The following TBC1D4 variants were observed in gnomAD, a reference collection of about 807,000 sequenced individuals.
TBC1D4 encodes the protein TBC (Tre-2, BUB2, CDC16) domain-containing protein.
A neutral mutation model predicts 142.5 loss-of-function variants in TBC1D4; 121 were observed. The ratio of observed to expected loss-of-function variants is 0.85; its 90% CI spans 0.73 to 0.99. The LOEUF is 0.99. TBC1D4 is among the 50% of genes least tolerant of loss of function. The pLI, the probability that TBC1D4 is intolerant of heterozygous loss-of-function variation, is 0.00. For missense variants in TBC1D4, 1,475 were observed against 1,606.6 expected, an observed-to-expected ratio of 0.92 and a Z score of 1.40; for synonymous variants, 630 against 628.2, an observed-to-expected ratio of 1.00 and a Z score of -0.04.
chr13:75,341,498 G>A lies in TBC1D4; in HGVS notation c.1498C>T (p.Gln500Ter), dbSNP rs1471630583. ...NEQADIFERV[Q>*]KMKPVSDQEE... The stretch of plus-strand genomic sequence containing the variant: ...ATGAGACCTACAAATAATGTTACCT[G>A]AACTCTTTCAAAGATGTCAGCTTGC... The change falls in exon 6 of 21, where the codon CAG becomes TAG. Residue 500 changes from glutamine to a stop codon, truncating the protein, a stop_gained and splice_region_variant. Transcript: ENST00000377636. LOFTEE classifies it high-confidence loss of function. 1.9e-6 allele frequency: 3 copies of A among 1,613,244 alleles called. No homozygotes were observed. The highest frequency in any genetic ancestry group is 2.5e-6 in the Non-Finnish European group (3 of 1,179,516).
intron 1 of TBC1D4, among the ~76,000 whole-genome samples, chr13:75,410,423 G>A (rs181978554): frequency 3.3e-5 from 5 of 152,060 alleles, no homozygotes; most frequent in East Asian, 1.9e-4. Flanking sequence ...AGCCCGTCAC[G>A]CTAATGAATT....
intron 8 of TBC1D4, among the ~76,000 whole-genome samples, chr13:75,328,502 G>C (rs1566384272): frequency 1.3e-5 from 2 of 152,096 alleles, no homozygotes; most frequent in South Asian, 4.1e-4. Flanking sequence ...AAGAACCTAA[G>C]AGATTATTCT....
chr13:75,422,795 G>A (rs1886224365), intron 1 of TBC1D4, among the ~76,000 whole-genome samples: 1 of 152,024 alleles, frequency 6.6e-6, no homozygotes, highest in South Asian at 2.1e-4. Context: ...AGAATATTTG[G>A]GATTATCTTT....
chr13:75,354,817 C>T (rs1426417267), intron 4 of TBC1D4, among the ~76,000 whole-genome samples: 2 of 152,088 alleles, frequency 1.3e-5, no homozygotes, highest in East Asian at 3.9e-4. Flanking sequence ...CTCTTTCTTC[C>T]CCCGGGTGTT....
intron 14 of TBC1D4, among the ~76,000 whole-genome samples, chr13:75,309,732 CAAA>C (rs1877546869): frequency 6.6e-6 from 1 of 152,146 alleles, no homozygotes; most frequent in Non-Finnish European, 1.5e-5. Context: ...CCATTTAAAA[CAAA>C]ACCACAAATA....
intron 1 of TBC1D4, among the ~76,000 whole-genome samples, chr13:75,409,160 G>C (rs188805540): frequency 6.6e-6 from 1 of 151,952 alleles, no homozygotes; most frequent in Non-Finnish European, 1.5e-5. Flanking sequence ...GAATATATAC[G>C]TAAGTCTTCA....
intron 1 of TBC1D4, among the ~76,000 whole-genome samples, chr13:75,406,761 G>A (rs1048880868): frequency 1.3e-4 from 20 of 152,154 alleles, no homozygotes; most frequent in Non-Finnish European, 2.4e-4. Context: ...AATTGGAAAG[G>A]TCCTGCATGA....
intron 1 of TBC1D4, among the ~76,000 whole-genome samples, chr13:75,430,364 A>G (rs943803151): frequency 2.6e-5 from 4 of 152,218 alleles, no homozygotes; most frequent in African/African-American, 7.2e-5. Context: ...TAAAAATTAA[A>G]CAAATGGTAT....
At chr13:75,386,413 G>A (rs1448242468) in intron 1 of TBC1D4, among the ~76,000 whole-genome samples, 1 of 146,858 alleles carries the variant, frequency 6.8e-6, no homozygotes, top group African/African-American at 2.6e-5. Flanking sequence ...TTTTCAGATG[G>A]AGTCTCACAC....
At chr13:75,396,103 T>C (rs982631991) in intron 1 of TBC1D4, among the ~76,000 whole-genome samples, 1 of 152,232 alleles carries the variant, frequency 6.6e-6, no homozygotes, top group Non-Finnish European at 1.5e-5. Flanking sequence ...TTATAATTTA[T>C]GTAAGGGGTA....
intron 1 of TBC1D4, among the ~76,000 whole-genome samples, chr13:75,377,100 T>C (rs1237218424): frequency 6.6e-6 from 1 of 152,232 alleles, no homozygotes; most frequent in Admixed American, 6.5e-5. Context: ...AGTGTGAACA[T>C]CAAGTCTTCA....
In TBC1D4 at chr13:75,481,439, G is replaced by C. The variant is rs777693671; in HGVS notation, c.329C>G (p.Thr110Arg). 1 of 1,613,836 alleles carries C rather than the reference G, an allele frequency of 6.2e-7. No homozygotes were observed. Among genetic ancestry groups the C allele is most frequent in the Admixed American group, 1.7e-5 (1 of 60,016 alleles). The change falls in exon 1 of 21, where the codon ACG becomes AGG. Residue 110 changes from threonine (T) to arginine (R), a missense_variant. Around this residue, in one of 2 missense-constraint regions of TBC1D4, gnomAD observed 1,227 missense variants for 1,267.7 expected, o/e 0.97. Coordinates refer to ENST00000377636, the MANE Select transcript of TBC1D4 (RefSeq NM_014832.5). ...GASGGTSPSATQPNPAVFIFE... is the reference protein window; with the variant it reads ...GASGGTSPSARQPNPAVFIFE... ...GATGAATACCGCCGGGTTGGGCTGC[G>C]TGGCCGACGGACTAGTGCCCCCCGA... is the stretch of plus-strand genomic sequence containing the variant.
chr13:75,313,723 A>T (rs943460584), intron 12 of TBC1D4, among the ~76,000 whole-genome samples: 3 of 152,088 alleles, frequency 2.0e-5, no homozygotes, highest in Non-Finnish European at 2.9e-5. Context: ...ACCGGGTCCC[A>T]TTGTGTTGTC....
chr13:75,325,823 C>G (rs1261330541), intron 10 of TBC1D4, among the ~76,000 whole-genome samples: 1 of 152,150 alleles, frequency 6.6e-6, no homozygotes, highest in Non-Finnish European at 1.5e-5. Context: ...TTATCATAAG[C>G]TAACAGGAAG....
intron 19 of TBC1D4, 48 bp downstream of exon 19, chr13:75,292,054 T>G (rs182315021): frequency 7.1e-5 from 105 of 1,480,214 alleles, no homozygotes; most frequent in Non-Finnish European, 9.7e-5. Context: ...TTAATATATA[T>G]TCAGTAGAGA....
intron 1 of TBC1D4, among the ~76,000 whole-genome samples, chr13:75,440,930 C>T (rs550794149): frequency 6.6e-6 from 1 of 152,114 alleles, no homozygotes; most frequent in Admixed American, 6.5e-5. Context: ...TTCTTTCAGG[C>T]TGGTGCTGTG....
intron 1 of TBC1D4, among the ~76,000 whole-genome samples, chr13:75,431,581 C>A (rs1365548258): frequency 6.6e-6 from 1 of 152,138 alleles, no homozygotes; most frequent in Non-Finnish European, 1.5e-5. Flanking sequence ...GACTAAGGAT[C>A]CCAACCTTTG....
At chr13:75,402,175 T>C (rs1238228481) in intron 1 of TBC1D4, among the ~76,000 whole-genome samples, 1 of 152,004 alleles carries the variant, frequency 6.6e-6, no homozygotes, top group Non-Finnish European at 1.5e-5. Flanking sequence ...AGTGGGGGGG[T>C]TAAATCATTT....
chr13:75,286,878 C>T lies in TBC1D4; in HGVS notation c.3811G>A (p.Ala1271Thr), dbSNP rs185278132. ...TVEQLRKLLPADALVNCDLLL... is the reference protein window; with the variant it reads ...TVEQLRKLLPTDALVNCDLLL... Reference sequence around the variant, plus strand: ...AGGTCACAATTGACTAGAGCATCCGCGGGCAGCAGCTTCCGGAGTTGCTCC... The same window carrying T: ...AGGTCACAATTGACTAGAGCATCCGTGGGCAGCAGCTTCCGGAGTTGCTCC... Residue 1271 changes from alanine to threonine, a missense_variant, in exon 21 of 21, where the codon GCG (alanine) becomes ACG (threonine). Physicochemically the swap from Ala to Thr is moderately conservative, Grantham distance 58 (BLOSUM62 0). This residue lies in a region of TBC1D4 where 248 missense variants were observed against 338.9 expected (regional missense o/e 0.73). Transcript: ENST00000377636. 2.2e-5 allele frequency: 36 copies of T among 1,613,946 alleles called. No homozygotes were observed. The East Asian group carries it at 6.2e-4, about 28-fold the overall frequency.
Sources: allele counts gnomAD v4.1 joint callset (sites outside exome capture counted in the v4.1 genomes callset), GRCh38; gene constraint gnomAD v4.1.1; regional missense constraint gnomAD v4.1.1; transcripts MANE v1.5; gene names NCBI Gene and HGNC (gene_info 2026-07-23, HGNC 2026-07-21).